The following MAP3K5 variants were observed in gnomAD, a reference collection of about 807,000 sequenced individuals.
The protein encoded by MAP3K5 is mitogen-activated protein kinase kinase kinase 5.
In MAP3K5, 56 loss-of-function variants were observed where a neutral mutation model predicts 158.7. The observed-to-expected ratio is 0.35, with a 90% CI of 0.28 to 0.44. The LOEUF (loss-of-function observed/expected upper bound fraction) is 0.44. Among genes scored for constraint, MAP3K5 ranks in the 20% least tolerant of loss-of-function variants. MAP3K5 has a pLI of 1.00. For missense variants in MAP3K5, 1,294 were observed against 1,674.8 expected, an observed-to-expected ratio of 0.77 and a Z score of 3.97; for synonymous variants, 579 against 601.7, an observed-to-expected ratio of 0.96 and a Z score of 0.55.
At chr6:136,721,878 A>G (rs994527962) in intron 1 of MAP3K5, among the ~76,000 whole-genome samples, 7 of 152,182 alleles carry the variant, frequency 4.6e-5, no homozygotes, top group African/African-American at 1.4e-4. Context: ...TTTTAAATTA[A>G]AAAATAATAA....
intron 28 of MAP3K5, among the ~76,000 whole-genome samples, chr6:136,560,691 T>C (rs1215106485): frequency 6.6e-6 from 1 of 152,120 alleles, no homozygotes; most frequent in Non-Finnish European, 1.5e-5. Context: ...TTCATGCCTG[T>C]AGCCCCAGTA....
chr6:136,694,654 T>A (rs904041390), intron 6 of MAP3K5, among the ~76,000 whole-genome samples: 1 of 152,152 alleles, frequency 6.6e-6, no homozygotes, highest in South Asian at 2.1e-4. Context: ...TGTCTTTGAA[T>A]AGGGTAGAGT....
chr6:136,664,730 A>T (rs185311985), intron 8 of MAP3K5, among the ~76,000 whole-genome samples: 74 of 152,342 alleles, frequency 4.9e-4, no homozygotes, highest in African/African-American at 1.8e-3. Flanking sequence ...CAGGAGTTCA[A>T]GACCAGCTTG....
At chr6:136,563,120 G>C (rs908861570) in intron 26 of MAP3K5, among the ~76,000 whole-genome samples, 1 of 152,114 alleles carries the variant, frequency 6.6e-6, no homozygotes, top group Non-Finnish European at 1.5e-5. Context: ...CACTGATGTT[G>C]CAGGTTCACA....
At chr6:136,680,032 C>T (rs1739936114) in intron 7 of MAP3K5, among the ~76,000 whole-genome samples, 1 of 149,812 alleles carries the variant, frequency 6.7e-6, no homozygotes, top group Non-Finnish European at 1.5e-5. Context: ...GGGCCTTATG[C>T]TTAGCAAAAT....
Position 136,791,998 on chromosome 6 carries a change from A to G in MAP3K5, c.160T>C (p.Phe54Leu). The stretch of plus-strand genomic sequence containing the variant: ...GCAGCGGCGCTCTCCACGTTCCAGA[A>G]GCTGCCCGGCGGCGGCGGTGGCAGC... ...HQLPPPPPGSFWNVESAAAPG... is the reference protein window; with the variant it reads ...HQLPPPPPGSLWNVESAAAPG... Residue 54 changes from phenylalanine to leucine, a missense_variant, in exon 1 of 30, where the codon TTC (phenylalanine) becomes CTC (leucine). Phe to Leu is a conservative substitution (Grantham distance 22). Transcript: ENST00000359015. The G allele has an allele frequency of 6.2e-7, 1 of 1,600,078 alleles. No individual in the cohort carries two copies. Among genetic ancestry groups the G allele is most frequent in the Non-Finnish European group, 8.5e-7 (1 of 1,175,478 alleles).
chr6:136,752,373 G>T (rs1272474242), intron 1 of MAP3K5, among the ~76,000 whole-genome samples: 1 of 152,172 alleles, frequency 6.6e-6, no homozygotes, highest in Non-Finnish European at 1.5e-5. Context: ...TGGGAGCTGG[G>T]TGGGAAGGTG....
chr6:136,746,340 G>A (rs1421174641), intron 1 of MAP3K5, among the ~76,000 whole-genome samples: 1 of 152,078 alleles, frequency 6.6e-6, no homozygotes, highest in African/African-American at 2.4e-5. Flanking sequence ...TGTGAAAAAC[G>A]ATACAGGTGG....
At chr6:136,779,071 G>A (rs139981270) in intron 1 of MAP3K5, among the ~76,000 whole-genome samples, 6,745 of 152,076 alleles carry the variant, frequency 0.044, 176 homozygotes, top group African/African-American at 0.081. Context: ...AGGCCAAGGC[G>A]GGCAGATCAC....
rs531724084 is a variant in MAP3K5 at position 136,568,220 on chromosome 6, A to G, written c.3518-346T>C. ...TGTAAAAACCTTTTAAGAATATTTA[A>G]AAGTGTTTATACAAGTAAAGTTCAT... On this transcript the variant is annotated intron_variant, in intron 25 of 29. Transcript: ENST00000359015. Among the ~76,000 whole-genome samples the G allele has an allele frequency of 4.6e-5, 7 of 152,364 alleles. No individual in the cohort carries two copies. The South Asian group carries it at 1.2e-3, about 27-fold the overall frequency.
intron 8 of MAP3K5, among the ~76,000 whole-genome samples, chr6:136,662,565 C>G (rs895076798): frequency 6.6e-6 from 1 of 152,016 alleles, no homozygotes; most frequent in Non-Finnish European, 1.5e-5. Context: ...TCCTTTCTCT[C>G]TCTCTCTTCC....
At chr6:136,646,952 T>G (rs1562576290) in intron 11 of MAP3K5, among the ~76,000 whole-genome samples, 1 of 152,230 alleles carries the variant, frequency 6.6e-6, no homozygotes, top group African/African-American at 2.4e-5. Flanking sequence ...AACTCAGGTT[T>G]TCCTTCTAAA....
intron 4 of MAP3K5, among the ~76,000 whole-genome samples, chr6:136,697,931 G>C (rs1780675194): frequency 6.6e-6 from 1 of 152,134 alleles, no homozygotes; most frequent in South Asian, 2.1e-4. Flanking sequence ...TTTTGGTAGA[G>C]ACAGGGTTTC....
chr6:136,731,014 A>G (rs1782200990), intron 1 of MAP3K5, among the ~76,000 whole-genome samples: 1 of 152,246 alleles, frequency 6.6e-6, no homozygotes, highest in Non-Finnish European at 1.5e-5. Flanking sequence ...ACGTGACAAC[A>G]TGGATGAATC....
At chr6:136,589,236 A>AC (rs1290748189) in intron 23 of MAP3K5, among the ~76,000 whole-genome samples, 1 of 152,168 alleles carries the variant, frequency 6.6e-6, no homozygotes, top group African/African-American at 2.4e-5. Context: ...TCTAGCCCCA[A>AC]CCTTTTTTTG....
intron 3 of MAP3K5, among the ~76,000 whole-genome samples, chr6:136,699,081 C>T (rs1305847190): frequency 6.6e-6 from 1 of 152,142 alleles, no homozygotes; most frequent in Non-Finnish European, 1.5e-5. Context: ...TGAAGGGCTT[C>T]CTACATGTAA....
chr6:136,588,812 G>A (rs898037517), intron 23 of MAP3K5, among the ~76,000 whole-genome samples: 8 of 152,122 alleles, frequency 5.3e-5, no homozygotes, highest in African/African-American at 1.4e-4. Flanking sequence ...CCACCGCCAC[G>A]AAGCATGCAT....
chr6:136,644,525 G>A (rs1303445702), intron 11 of MAP3K5, among the ~76,000 whole-genome samples: 4 of 152,198 alleles, frequency 2.6e-5, no homozygotes, highest in African/African-American at 9.7e-5. Flanking sequence ...CAGATCCCAG[G>A]CCCCAGTTAG....
At chr6:136,665,990 G>A (rs1441447072) in intron 8 of MAP3K5, among the ~76,000 whole-genome samples, 1 of 152,136 alleles carries the variant, frequency 6.6e-6, no homozygotes, top group Non-Finnish European at 1.5e-5. Flanking sequence ...CTCTAAGTCT[G>A]ACTCTCACCC....
Sources: gnomAD v4.1 joint callset for allele counts (sites outside exome capture counted in the v4.1 genomes callset) on GRCh38, gnomAD v4.1.1 for gene constraint, MANE v1.5 for transcripts, NCBI Gene and HGNC (gene_info 2026-07-23, HGNC 2026-07-21) for gene names.